TRPV4: variants seen among roughly 807,000 people sequenced by gnomAD.
TRPV4 encodes OSM9-like transient receptor potential channel 4.
In TRPV4, 58 loss-of-function variants were observed where a neutral mutation model predicts 84.1. That is an observed-to-expected ratio of 0.69 (90% CI 0.56 to 0.86). The LOEUF (loss-of-function observed/expected upper bound fraction) is 0.86. Among genes scored for constraint, TRPV4 ranks in the 40% least tolerant of loss-of-function variants. The pLI is 0.00. For synonymous variants in TRPV4, 489 were observed against 500.9 expected (o/e 0.98, Z 0.32); for missense variants, 879 against 1,181.1 (o/e 0.74, Z 3.75).
chr12:109,794,375 A>G lies in TRPV4; in HGVS notation c.1445T>C (p.Met482Thr), dbSNP rs1565866454. The change falls in exon 8 of 16, where the codon ATG (methionine) becomes ACG (threonine). Residue 482 changes from methionine (M) to threonine (T), a missense_variant. Physicochemically the swap from Met to Thr is moderately conservative, Grantham distance 81. Around this residue, in one of 4 missense-constraint regions of TRPV4, gnomAD observed 521 missense variants for 686.6 expected, o/e 0.76. Transcript: ENST00000261740. ...YINVVSYLCA[M>T]VIFTLTAYYQ... The stretch of plus-strand genomic sequence containing the variant: ...GTAGGCGGTGAGAGTGAAGATGACC[A>G]TGGCACACAGGTAGGAGACCACGTT... The G allele has an allele frequency of 5.0e-6, 8 of 1,613,664 alleles. No individual in the cohort carries two copies. Among genetic ancestry groups the G allele is most frequent in the Non-Finnish European group, 5.9e-6 (7 of 1,180,022 alleles).
rs181710153 is a variant in TRPV4, at chr12:109,786,635, G to A, written c.2336+75C>T. The stretch of plus-strand genomic sequence containing the variant: ...CCAGAAATTGCAATGGGTAGACGAC[G>A]CTGGAGCAGCAGGGGCCCCGAGCCA... On this transcript the variant is annotated intron_variant, in intron 14 of 15. Coordinates refer to ENST00000261740, the MANE Select transcript of TRPV4 (RefSeq NM_021625.5). The surrounding 1 kb of genome is among the most constrained non-coding windows in gnomAD (Gnocchi z 4.5). The A allele has an allele frequency of 2.3e-5, 37 of 1,590,512 alleles. No homozygotes were observed. The East Asian group carries it at 7.5e-4, about 32-fold the overall frequency.
At chr12:109,789,043 G>A (rs1288053232) in intron 12 of TRPV4, among the ~76,000 whole-genome samples, 1 of 152,162 alleles carries the variant, frequency 6.6e-6, no homozygotes, top group African/African-American at 2.4e-5. Flanking sequence ...TCCCACTACT[G>A]ATAAGCGTAG....
intron 1 of TRPV4, among the ~76,000 whole-genome samples, chr12:109,828,088 A>G (rs1224509455): frequency 6.6e-6 from 1 of 152,212 alleles, no homozygotes. Context: ...TGGGTGGACA[A>G]GAGGGGCTGC....
At position 109,783,558 on chromosome 12, in the gene TRPV4, ACTG is replaced by A; in HGVS notation, c.*60_*62del. On this transcript the variant is annotated 3_prime_UTR_variant, in exon 16 of 16. Transcript: ENST00000261740. This position sits in a 1 kb window ranked among gnomAD's most constrained non-coding sequence, Gnocchi z 4.6. ...GGTGTGGGGGGACACCCCAGAAGGC[ACTG>A]CTGAAATGCGGCTGGACTAGAAATG... The A allele has an allele frequency of 6.3e-7, 1 of 1,577,924 alleles. No homozygotes were observed. Among genetic ancestry groups the A allele is most frequent in the East Asian group, 2.2e-5 (1 of 44,610 alleles).
At chr12:109,825,038 C>A (rs1199659035) in intron 1 of TRPV4, among the ~76,000 whole-genome samples, 4 of 151,950 alleles carry the variant, frequency 2.6e-5, no homozygotes, top group African/African-American at 9.6e-5. Context: ...ATAGCACATT[C>A]ATGCTTTAAA....
chr12:109,795,084 G>T (rs1156262633), intron 7 of TRPV4, among the ~76,000 whole-genome samples: 1 of 152,214 alleles, frequency 6.6e-6, no homozygotes, highest in Admixed American at 6.5e-5. Flanking sequence ...GTACCAAGCT[G>T]CTGGCCGCAA....
Position 109,784,398 on chromosome 12 carries a change from C to T in TRPV4, c.2376G>A (p.Leu792=), listed in dbSNP as rs1047264833. 6.8e-6 allele frequency: 11 copies of T among 1,614,046 alleles called. No individual in the cohort carries two copies. The highest frequency in any genetic ancestry group is 9.3e-6 in the Non-Finnish European group (11 of 1,180,048). Residue 792 remains leucine (L), a synonymous_variant, in exon 15 of 16, where the codon TTG becomes TTA. Transcript: ENST00000261740. ...EVNWSHWNQN[L]GIINEDPGKN... ...TGCCCGGGTCCTCGTTGATGATGCC[C>T]AAGTTCTGGTTCCAGTGAGACCAGT...
At chr12:109,785,053 ACTCCATTGCCC>A (rs1889603751) in intron 14 of TRPV4, among the ~76,000 whole-genome samples, 2 of 151,948 alleles carry the variant, frequency 1.3e-5, no homozygotes, top group African/African-American at 2.4e-5. Context: ...ACAGGGTCTC[ACTCCATTGCCC>A]AGGCTAGGGT....
At chr12:109,802,130 CTTT>C (rs35214010) in intron 4 of TRPV4, among the ~76,000 whole-genome samples, 19 of 134,284 alleles carry the variant, frequency 1.4e-4, no homozygotes, top group South Asian at 2.4e-4. Context: ...ATCTTGGAAT[CTTT>C]TTTTTTTTTT....
rs760172802 is a variant in TRPV4, at chr12:109,814,715, C to T, written c.82G>A (p.Gly28Arg). ...AGGGAGGAGAGAGGAAAAGCCTCCCCACCTGGGGTGCCACTCTCATCCCCG... is the reference window on the plus strand; with the variant it reads ...AGGGAGGAGAGAGGAAAAGCCTCCCTACCTGGGGTGCCACTCTCATCCCCG... Reference protein sequence around the residue: ...LPGDESGTPGGEAFPLSSLAN... With the variant: ...LPGDESGTPGREAFPLSSLAN... The change falls in exon 2 of 16, where the codon GGG (glycine) becomes AGG (arginine). Residue 28 changes from glycine to arginine, a missense_variant. Coordinates refer to ENST00000261740, the MANE Select transcript of TRPV4 (RefSeq NM_021625.5). This position sits in a 1 kb window ranked among gnomAD's most constrained non-coding sequence, Gnocchi z 5.4. 1 of 1,603,720 alleles carries T rather than the reference C, an allele frequency of 6.2e-7. No homozygotes were observed. Among genetic ancestry groups the T allele is most frequent in the Non-Finnish European group, 8.5e-7 (1 of 1,175,870 alleles).
intron 1 of TRPV4, among the ~76,000 whole-genome samples, chr12:109,828,038 G>A (rs573059083): frequency 3.3e-5 from 5 of 152,346 alleles, no homozygotes; most frequent in East Asian, 1.9e-4. Context: ...GAAAACGGGC[G>A]CCTGGTGAGA....
intron 1 of TRPV4, among the ~76,000 whole-genome samples, chr12:109,829,587 C>G (rs116684841): frequency 6.6e-6 from 1 of 152,196 alleles, no homozygotes; most frequent in African/African-American, 2.4e-5. Flanking sequence ...AGAAAACATG[C>G]CCTGGAATGG....
chr12:109,829,810 G>T (rs1342650965), intron 1 of TRPV4, among the ~76,000 whole-genome samples: 2 of 152,214 alleles, frequency 1.3e-5, no homozygotes, highest in Non-Finnish European at 2.9e-5. Context: ...TTTAAGCCCA[G>T]GCCTGTCTGC....
In TRPV4 at chr12:109,784,426, A is replaced by T. The variant is rs1464248170; in HGVS notation, c.2348T>A (p.Val783Glu). 1 of 1,614,060 alleles carries T rather than the reference A, an allele frequency of 6.2e-7. No individual in the cohort carries two copies. The highest frequency in any genetic ancestry group is 1.1e-5 in the South Asian group (1 of 91,078). Residue 783 changes from valine (V) to glutamate (E), a missense_variant, in exon 15 of 16, where the codon GTG becomes GAG. Physicochemically the swap from Val to Glu is moderately radical, Grantham distance 121. Transcript: ENST00000261740. ...DRRWCFRVDE[V>E]NWSHWNQNLG... ...GTTCTGGTTCCAGTGAGACCAGTTC[A>T]CCTCATCCACCCTGGCAGGGCCCAA...
chr12:109,791,241 T>G (rs1176936057), intron 12 of TRPV4, among the ~76,000 whole-genome samples: 2 of 151,782 alleles, frequency 1.3e-5, no homozygotes, highest in Admixed American at 6.6e-5. Context: ...AACTTAGCCA[T>G]GCGTGGTGGC....
intron 1 of TRPV4, among the ~76,000 whole-genome samples, chr12:109,820,126 A>G (rs1892034051): frequency 6.6e-6 from 1 of 152,186 alleles, no homozygotes; most frequent in Non-Finnish European, 1.5e-5. Flanking sequence ...AGATGTGAAC[A>G]GAACAGATAT....
At chr12:109,818,329 C>G (rs1212065592) in intron 1 of TRPV4, among the ~76,000 whole-genome samples, 3 of 152,154 alleles carry the variant, frequency 2.0e-5, no homozygotes, top group Admixed American at 2.0e-4. Flanking sequence ...AAACAAAAGA[C>G]AGCCCCGCAC....
intron 1 of TRPV4, among the ~76,000 whole-genome samples, chr12:109,827,632 A>C (rs1024776258): frequency 2.6e-5 from 4 of 151,984 alleles, no homozygotes; most frequent in Non-Finnish European, 5.9e-5. Context: ...CAATATACAC[A>C]CATACATACA....
At position 109,814,711 on chromosome 12, in the gene TRPV4, T is replaced by TC; in HGVS notation, c.85dup (p.Glu29GlyfsTer13). On this transcript the variant is annotated frameshift_variant, in exon 2 of 16. Coordinates refer to ENST00000261740, the MANE Select transcript of TRPV4 (RefSeq NM_021625.5). LOFTEE classifies it high-confidence loss of function. This position sits in a 1 kb window ranked among gnomAD's most constrained non-coding sequence, Gnocchi z 5.4. ...GGCCAGGGAGGAGAGAGGAAAAGCC[T>TC]CCCCACCTGGGGTGCCACTCTCATC... 2.5e-6 allele frequency: 4 copies of TC among 1,605,668 alleles called. No homozygotes were observed. Among genetic ancestry groups the TC allele is most frequent in the Non-Finnish European group, 3.4e-6 (4 of 1,176,810 alleles).
Sources: gnomAD v4.1 joint callset for allele counts (sites outside exome capture counted in the v4.1 genomes callset) on GRCh38, gnomAD v4.1.1 for gene constraint, gnomAD v4.1.1 regional missense constraint, Gnocchi (gnomAD v3.1) non-coding constraint, MANE v1.5 for transcripts, NCBI Gene and HGNC (gene_info 2026-07-23, HGNC 2026-07-21) for gene names.